Variants in PRR5L observed in about 807,000 individuals in gnomAD.
PRR5L encodes the protein proline rich 5 like, also known as proline-rich protein 5-like.
A neutral mutation model predicts 36.4 loss-of-function variants in PRR5L; 21 were observed. The ratio of observed to expected loss-of-function variants is 0.58; its 90% CI spans 0.41 to 0.83. PRR5L has a LOEUF of 0.83. Ranked by LOEUF, PRR5L falls within the 40% of genes least tolerant of loss-of-function variation. The pLI is 0.00. For missense variants in PRR5L, 381 were observed against 473.3 expected, an observed-to-expected ratio of 0.80 and a Z score of 1.81; for synonymous variants, 188 against 197.0, an observed-to-expected ratio of 0.95 and a Z score of 0.38.
chr11:36,343,139 A>G (rs985199064), intron 1 of PRR5L, among the ~76,000 whole-genome samples: 8 of 152,364 alleles, frequency 5.3e-5, no homozygotes, highest in African/African-American at 1.9e-4. Context: ...CTTCAGGACC[A>G]AGATGTGACT....
At chr11:36,418,323 T>C (rs1858190259) in intron 3 of PRR5L, among the ~76,000 whole-genome samples, 1 of 152,112 alleles carries the variant, frequency 6.6e-6, no homozygotes, top group Middle Eastern at 3.2e-3. Flanking sequence ...CAAACCATGG[T>C]ACCAAGTTGA....
At chr11:36,320,221 AG>A (rs1484562116) in intron 1 of PRR5L, among the ~76,000 whole-genome samples, 2 of 151,074 alleles carry the variant, frequency 1.3e-5, no homozygotes, top group Non-Finnish European at 2.9e-5. Context: ...AACAAAAAGA[AG>A]GTGATGAACT....
Position 36,431,886 on chromosome 11 carries a change from G to A in PRR5L, c.328G>A (p.Glu110Lys), listed in dbSNP as rs777506466. The change falls in exon 5 of 9, where the codon GAG becomes AAG. Residue 110 changes from glutamate (E) to lysine (K), a missense_variant. Glu to Lys is a moderately conservative substitution (Grantham distance 56). Transcript: ENST00000530639. Reference sequence around the variant, plus strand: ...TCTTGCAAAAGGACTGTTCTTTGTGGAGGAGAAGATCAAGCTGTGTGAAGG... The same window carrying A: ...TCTTGCAAAAGGACTGTTCTTTGTGAAGGAGAAGATCAAGCTGTGTGAAGG... ...QLLAKGLFFVEEKIKLCEGEN... is the reference protein window; with the variant it reads ...QLLAKGLFFVKEKIKLCEGEN... 1.2e-6 allele frequency: 2 copies of A among 1,614,118 alleles called. No homozygotes were observed. Among genetic ancestry groups the A allele is most frequent in the East Asian group, 2.2e-5 (1 of 44,882 alleles).
At position 36,463,488 on chromosome 11, in the gene PRR5L, C is replaced by T. The variant is rs913315980; in HGVS notation, c.*752C>T. 5 of 152,458 alleles carry T rather than the reference C, an allele frequency of 3.3e-5. No homozygotes were observed. The highest frequency in any genetic ancestry group is 9.7e-5 in the African/African-American group (4 of 41,420). The allele number at this position is 152,458 out of a possible 1,614,324, so 9.4% of individuals were successfully genotyped here. On this transcript the variant is annotated 3_prime_UTR_variant, in exon 9 of 9. Coordinates refer to ENST00000530639, the MANE Select transcript of PRR5L (RefSeq NM_001160167.2). Reference sequence around the variant, plus strand: ...CTCTCAAGCTCAAGGAACTCACCCCCAGATAAGAAGCTGGTGCCTCTTGTC... The same window carrying T: ...CTCTCAAGCTCAAGGAACTCACCCCTAGATAAGAAGCTGGTGCCTCTTGTC...
At chr11:36,310,989 C>T (rs1419940490) in intron 1 of PRR5L, among the ~76,000 whole-genome samples, 9 of 92,602 alleles carry the variant, frequency 9.7e-5, no homozygotes, top group African/African-American at 1.8e-4. Context: ...AGTGAGACTC[C>T]GTCTCCAAAA....
At chr11:36,458,472 A>C (rs1279698133) in intron 8 of PRR5L, among the ~76,000 whole-genome samples, 1 of 152,194 alleles carries the variant, frequency 6.6e-6, no homozygotes, top group East Asian at 1.9e-4. Context: ...TTGATTTTGA[A>C]AAATTGTTAT....
chr11:36,355,016 T>C (rs1857011423), intron 1 of PRR5L, among the ~76,000 whole-genome samples: 1 of 152,198 alleles, frequency 6.6e-6, no homozygotes, highest in African/African-American at 2.4e-5. Flanking sequence ...TTGTAAGCCA[T>C]AGGCATTCCG....
chr11:36,319,995 A>G (rs1856597234), intron 1 of PRR5L, among the ~76,000 whole-genome samples: 1 of 152,180 alleles, frequency 6.6e-6, no homozygotes, highest in African/African-American at 2.4e-5. Context: ...TAAGACAAAC[A>G]GGTACTGGAG....
At chr11:36,455,003 C>T (rs906408776) in intron 8 of PRR5L, among the ~76,000 whole-genome samples, 1 of 152,208 alleles carries the variant, frequency 6.6e-6, no homozygotes, top group Non-Finnish European at 1.5e-5. Flanking sequence ...CCGAAGTCTC[C>T]AGGCTGTTTC....
chr11:36,363,838 A>G (rs1857118699), intron 1 of PRR5L, among the ~76,000 whole-genome samples: 1 of 152,254 alleles, frequency 6.6e-6, no homozygotes, highest in African/African-American at 2.4e-5. Flanking sequence ...CAGTAGGACG[A>G]ACAGGAACCC....
At chr11:36,440,821 G>A (rs1858706155) in intron 6 of PRR5L, among the ~76,000 whole-genome samples, 1 of 152,176 alleles carries the variant, frequency 6.6e-6, no homozygotes, top group Non-Finnish European at 1.5e-5. Flanking sequence ...AGGCAACAGG[G>A]GAGCCAGTGT....
At chr11:36,367,764 C>A (rs1354293897) in intron 1 of PRR5L, among the ~76,000 whole-genome samples, 1 of 135,746 alleles carries the variant, frequency 7.4e-6, no homozygotes, top group Admixed American at 7.9e-5. Flanking sequence ...CTCTCTCTCT[C>A]TCTCTCTCTG....
chr11:36,411,150 T>C (rs1007465282), intron 3 of PRR5L, among the ~76,000 whole-genome samples: 1 of 152,200 alleles, frequency 6.6e-6, no homozygotes, highest in African/African-American at 2.4e-5. Context: ...TTTTGCCACC[T>C]TGGGTCTTTC....
intron 3 of PRR5L, among the ~76,000 whole-genome samples, chr11:36,404,276 T>TGTTTTTGTTTTTG (rs200989174): frequency 6.0e-5 from 9 of 150,360 alleles, no homozygotes; most frequent in African/African-American, 1.2e-4. Context: ...GTCTTTTTTT[T>TGTTTTTGTTTTTG]TTTTTTTTTT....
intron 1 of PRR5L, among the ~76,000 whole-genome samples, chr11:36,303,977 C>T (rs1223951668): frequency 6.6e-6 from 1 of 152,130 alleles, no homozygotes; most frequent in Non-Finnish European, 1.5e-5. Context: ...ACCAGCTAAT[C>T]AACCCCAATT....
chr11:36,413,844 T>C (rs1590557510), intron 3 of PRR5L, among the ~76,000 whole-genome samples: 1 of 141,508 alleles, frequency 7.1e-6, no homozygotes, highest in Non-Finnish European at 1.5e-5. Flanking sequence ...GTATATCTCC[T>C]AATGCTATCC....
chr11:36,406,089 T>C (rs11828593), intron 3 of PRR5L, among the ~76,000 whole-genome samples: 2,270 of 150,172 alleles, frequency 0.015, 55 homozygotes, highest in African/African-American at 0.053. Flanking sequence ...AAGGATTAAG[T>C]TGATGGTTCC....
chr11:36,383,947 C>T (rs1475730245), intron 1 of PRR5L, among the ~76,000 whole-genome samples: 1 of 152,076 alleles, frequency 6.6e-6, no homozygotes, highest in East Asian at 1.9e-4. Flanking sequence ...CTGCCCGCCT[C>T]GGCCTCCCCT....
intron 1 of PRR5L, among the ~76,000 whole-genome samples, chr11:36,356,403 GCCT>G (rs1348995562): frequency 2.6e-5 from 4 of 152,104 alleles, no homozygotes; most frequent in African/African-American, 9.7e-5. Context: ...AGACTGTGAG[GCCT>G]CAAGGGAGTT....
Sources: gnomAD v4.1 joint callset for allele counts (sites outside exome capture counted in the v4.1 genomes callset) on GRCh38, gnomAD v4.1.1 for gene constraint, MANE v1.5 for transcripts, NCBI Gene and HGNC (gene_info 2026-07-23, HGNC 2026-07-21) for gene names.